The following KIF5C variants were observed in gnomAD, a reference collection of about 807,000 sequenced individuals.
KIF5C encodes kinesin family member 5C.
In KIF5C, 18 loss-of-function variants were observed where a neutral mutation model predicts 125.2. That is an observed-to-expected ratio of 0.14 (90% CI 0.10 to 0.21). The LOEUF is 0.21. Ranked by LOEUF, KIF5C falls within the 10% of genes least tolerant of loss-of-function variation. The pLI is 1.00. For synonymous variants in KIF5C, 405 were observed against 434.0 expected, an observed-to-expected ratio of 0.93 and a Z score of 0.83; for missense variants, 780 against 1,183.8, an observed-to-expected ratio of 0.66 and a Z score of 5.01.
Position 148,991,014 on chromosome 2 carries a change from C to G in KIF5C, c.1721C>G (p.Ala574Gly), listed in dbSNP as rs1237509278. 1.9e-6 allele frequency: 3 copies of G among 1,612,572 alleles called. No individual in the cohort carries two copies. Among genetic ancestry groups the G allele is most frequent in the Non-Finnish European group, 2.5e-6 (3 of 1,179,204 alleles). ...TGTGTCCCCTTCTTTGCTCAGTTGGCAGATGTGAATGGAGTCATTGAGGAG... is the reference window on the plus strand; with the variant it reads ...TGTGTCCCCTTCTTTGCTCAGTTGGGAGATGTGAATGGAGTCATTGAGGAG... ...IIGTNDVKTL[A>G]DVNGVIEEEF... The change falls in exon 16 of 26, where the codon GCA becomes GGA. Residue 574 changes from alanine to glycine, a missense_variant. Transcript: ENST00000435030.
intron 11 of KIF5C, among the ~76,000 whole-genome samples, chr2:148,971,320 CTATCTATCTATCTA>C (rs1558924890): frequency 6.6e-6 from 1 of 151,850 alleles, no homozygotes; most frequent in African/African-American, 2.4e-5. Flanking sequence ...ATCTATCTAT[CTATCTATCTATCTA>C]TGTCTATCTA....
chr2:148,986,286 T>C (rs1184194936), intron 15 of KIF5C, among the ~76,000 whole-genome samples: 1 of 152,196 alleles, frequency 6.6e-6, no homozygotes, highest in Non-Finnish European at 1.5e-5. Context: ...TTGGATATTT[T>C]TGAGATTATT....
intron 10 of KIF5C, among the ~76,000 whole-genome samples, chr2:148,957,211 C>A (rs1337136576): frequency 6.6e-6 from 1 of 152,208 alleles, no homozygotes; most frequent in Non-Finnish European, 1.5e-5. Flanking sequence ...TGCCCAAGTT[C>A]CGGATCATGT....
At chr2:148,923,007 G>C (rs1681851902) in intron 2 of KIF5C, among the ~76,000 whole-genome samples, 1 of 152,216 alleles carries the variant, frequency 6.6e-6, no homozygotes, top group Admixed American at 6.5e-5. Flanking sequence ...TGGCAGGCTT[G>C]CCATCTGGAC....
chr2:148,998,831 C>CAAAAAAAAAAAAAAAAAAACAAA (rs58960407), intron 19 of KIF5C: 1 of 62,370 alleles, frequency 1.6e-5, no homozygotes. Context: ...ATGAAAGCAC[C>CAAAAAAAAAAAAAAAAAAACAAA]AAAAAAAAAA....
chr2:148,972,584 C>A (rs2105145769), intron 11 of KIF5C, among the ~76,000 whole-genome samples: 1 of 152,286 alleles, frequency 6.6e-6, no homozygotes, highest in East Asian at 1.9e-4. Flanking sequence ...GCAATTCTTC[C>A]TTTGAAGGCC....
intron 8 of KIF5C, 86 bp from the exon 9 acceptor site, chr2:148,949,753 C>G (rs1290100586): frequency 6.7e-7 from 1 of 1,500,502 alleles, no homozygotes; most frequent in Non-Finnish European, 8.9e-7. Context: ...GGAGGCTGTC[C>G]CCCTTTGCCC....
chr2:149,019,132 G>A (rs967341876), intron 25 of KIF5C, among the ~76,000 whole-genome samples: 4 of 152,190 alleles, frequency 2.6e-5, no homozygotes, highest in Non-Finnish European at 5.9e-5. Flanking sequence ...TGTCTGTTGC[G>A]GTGTGCTGTT....
At chr2:148,938,780 CG>C (rs1682344935) in intron 4 of KIF5C, among the ~76,000 whole-genome samples, 1 of 151,980 alleles carries the variant, frequency 6.6e-6, no homozygotes, top group Non-Finnish European at 1.5e-5. Context: ...GATGAGGAAA[CG>C]GAAGTTTAAA....
chr2:148,953,129 T>C (rs904147925), intron 10 of KIF5C, among the ~76,000 whole-genome samples: 26 of 152,246 alleles, frequency 1.7e-4, no homozygotes, highest in Admixed American at 9.8e-4. Flanking sequence ...TTCTGCTCTC[T>C]GTGACAGCAG....
At chr2:148,885,017 C>CTGGA (rs1467666028) in intron 1 of KIF5C, among the ~76,000 whole-genome samples, 2 of 146,306 alleles carry the variant, frequency 1.4e-5, no homozygotes, top group Non-Finnish European at 3.0e-5. Flanking sequence ...GTCTCCCAGG[C>CTGGA]TGGAGTGCAA....
At chr2:148,930,630 C>A (rs1399595298) in intron 3 of KIF5C, among the ~76,000 whole-genome samples, 1 of 152,142 alleles carries the variant, frequency 6.6e-6, no homozygotes, top group Non-Finnish European at 1.5e-5. Context: ...AGGCTAAAAT[C>A]CTCAGGGCTC....
chr2:148,890,704 A>C (rs1681683803), intron 1 of KIF5C, among the ~76,000 whole-genome samples: 2 of 152,300 alleles, frequency 1.3e-5, no homozygotes, highest in South Asian at 4.1e-4. Context: ...GCTGGATCAG[A>C]AATACTCCCA....
Position 148,876,116 on chromosome 2 carries a change from G to A in KIF5C, c.126+373G>A, listed in dbSNP as rs1397007694. Among the ~76,000 whole-genome samples, 1 of 152,204 alleles carries A rather than the reference G, an allele frequency of 6.6e-6. No homozygotes were observed. Among genetic ancestry groups the A allele is most frequent in the Non-Finnish European group, 1.5e-5 (1 of 68,024 alleles). ...CGGGTGCCCAGGCCCCCTTTAAAGT[G>A]TGAGCTCTGCAACCCGCAAATGCTT... is the stretch of plus-strand genomic sequence containing the variant. On this transcript the variant is annotated intron_variant, in intron 1 of 25. Transcript: ENST00000435030. This position sits in a 1 kb window ranked among gnomAD's most constrained non-coding sequence, Gnocchi z 4.7.
At chr2:148,934,491 C>T (rs1429904259) in intron 3 of KIF5C, among the ~76,000 whole-genome samples, 1 of 151,100 alleles carries the variant, frequency 6.6e-6, no homozygotes, top group Admixed American at 6.6e-5. Flanking sequence ...AGAGACACCC[C>T]CCACATATAC....
intron 11 of KIF5C, among the ~76,000 whole-genome samples, chr2:148,964,789 C>A (rs34896458): frequency 6.6e-6 from 1 of 151,966 alleles, no homozygotes; most frequent in African/African-American, 2.4e-5. Flanking sequence ...GAGGGATAGG[C>A]GGGGCTCTCC....
At chr2:148,998,571 C>G in intron 19 of KIF5C, 62 bp downstream of exon 19, 1 of 1,546,236 alleles carries the variant, frequency 6.5e-7, no homozygotes, top group Admixed American at 2.0e-5. Context: ...CTTGGGGAAG[C>G]CTGGAAGGAT....
chr2:149,004,519 T>A (rs1197686560), intron 21 of KIF5C, among the ~76,000 whole-genome samples: 1 of 152,192 alleles, frequency 6.6e-6, no homozygotes, highest in Non-Finnish European at 1.5e-5. Context: ...CTTGTCTCAG[T>A]AATCTAATTC....
chr2:148,979,127 C>G (rs1681162307), intron 13 of KIF5C, 137 bp downstream of exon 13: 1 of 1,133,884 alleles, frequency 8.8e-7, no homozygotes, highest in Non-Finnish European at 1.2e-6. Context: ...GGTAGATGTC[C>G]CTTCACTGCC....
Sources: gnomAD v4.1 joint callset for allele counts (sites outside exome capture counted in the v4.1 genomes callset) on GRCh38, gnomAD v4.1.1 for gene constraint, Gnocchi (gnomAD v3.1) non-coding constraint, MANE v1.5 for transcripts, NCBI Gene and HGNC (gene_info 2026-07-23, HGNC 2026-07-21) for gene names.